Variants in SIK2 observed in about 807,000 individuals in gnomAD.
SIK2 encodes the protein serine/threonine-protein kinase SIK2.
In SIK2, 29 loss-of-function variants were observed where a neutral mutation model predicts 103.2. The ratio of observed to expected loss-of-function variants is 0.28; its 90% CI spans 0.21 to 0.38. The LOEUF is 0.38. Among genes scored for constraint, SIK2 ranks in the 10% least tolerant of loss-of-function variants. SIK2 has a pLI of 1.00. For synonymous variants in SIK2, 412 were observed against 446.1 expected, an observed-to-expected ratio of 0.92 and a Z score of 0.96; for missense variants, 879 against 1,171.0, an observed-to-expected ratio of 0.75 and a Z score of 3.64.
intron 3 of SIK2, among the ~76,000 whole-genome samples, chr11:111,622,486 C>G (rs1017013488): frequency 4.6e-5 from 7 of 151,902 alleles, no homozygotes; most frequent in African/African-American, 1.4e-4. Flanking sequence ...GATCACCTGA[C>G]ATCGTGATCC....
intron 2 of SIK2, among the ~76,000 whole-genome samples, chr11:111,618,345 G>T (rs1941836044): frequency 6.6e-6 from 1 of 152,156 alleles, no homozygotes; most frequent in African/African-American, 2.4e-5. Context: ...TGACCCGGCG[G>T]TTAGGAACCC....
chr11:111,679,852 C>T (rs962136820), intron 3 of SIK2, among the ~76,000 whole-genome samples: 4 of 151,806 alleles, frequency 2.6e-5, no homozygotes, highest in African/African-American at 9.7e-5. Flanking sequence ...TGGCTGGGCA[C>T]GGTGGCTCAC....
chr11:111,704,931 G>A, intron 7 of SIK2, 56 bp from the exon 8 acceptor site: 1 of 1,521,284 alleles, frequency 6.6e-7, no homozygotes, highest in South Asian at 1.3e-5. Context: ...GGCATGTGTA[G>A]ATCATTGCAT....
In SIK2 at chr11:111,722,523, A is replaced by G. The variant is rs1943832743; in HGVS notation, c.2056-142A>G. The G allele has an allele frequency of 2.6e-6, 2 of 762,758 alleles. No individual in the cohort carries two copies. Among genetic ancestry groups the G allele is most frequent in the African/African-American group, 1.8e-5 (1 of 56,840 alleles). The allele number at this position is 762,758 out of a possible 1,614,324, so 47.2% of individuals were successfully genotyped here. ...GGGCCCGATGCTCTTTCAGGGTCTCAGGGAGTAAATGTCAGTCCCTTCACC... is the reference window on the plus strand; with the variant it reads ...GGGCCCGATGCTCTTTCAGGGTCTCGGGGAGTAAATGTCAGTCCCTTCACC... On this transcript the variant is annotated intron_variant, in intron 13 of 14. Coordinates refer to ENST00000304987, the MANE Select transcript of SIK2 (RefSeq NM_015191.3). This position sits in a 1 kb window ranked among gnomAD's most constrained non-coding sequence, Gnocchi z 4.4.
chr11:111,605,996 C>CTAATTTTATAAAATTAGCA (rs1236960901), intron 1 of SIK2, among the ~76,000 whole-genome samples: 1 of 152,076 alleles, frequency 6.6e-6, no homozygotes, highest in African/African-American at 2.4e-5. Context: ...ATTAGAGATG[C>CTAATTTTATAAAATTAGCA]TAATTTTATA....
intron 8 of SIK2, among the ~76,000 whole-genome samples, chr11:111,708,207 T>G (rs1943402524): frequency 6.6e-6 from 1 of 151,922 alleles, no homozygotes; most frequent in African/African-American, 2.4e-5. Context: ...CATGGTGAAA[T>G]GCCATCTCTA....
At chr11:111,672,268 G>A in intron 3 of SIK2, 1 of 378,560 alleles carries the variant, frequency 2.6e-6, no homozygotes, top group Non-Finnish European at 4.9e-6. Context: ...CACCCAGGAA[G>A]CTGCTGCTGT....
At chr11:111,721,597 A>G (rs543260841) in intron 12 of SIK2, among the ~76,000 whole-genome samples, 6 of 152,212 alleles carry the variant, frequency 3.9e-5, no homozygotes, top group Non-Finnish European at 8.8e-5. Flanking sequence ...TGGTGACACC[A>G]AGAGTCTTTG....
chr11:111,606,380 A>G (rs1423483197), intron 1 of SIK2, among the ~76,000 whole-genome samples: 2 of 152,118 alleles, frequency 1.3e-5, no homozygotes, highest in Non-Finnish European at 2.9e-5. Flanking sequence ...GGAATAACCC[A>G]TTCTTAACAT....
intron 3 of SIK2, among the ~76,000 whole-genome samples, chr11:111,640,678 G>A (rs564128060): frequency 4.4e-4 from 65 of 147,502 alleles, no homozygotes; most frequent in Non-Finnish European, 5.1e-4. Context: ...AGTGCTACGG[G>A]AAACTATGAG....
At chr11:111,677,730 A>T (rs982590573) in intron 3 of SIK2, among the ~76,000 whole-genome samples, 2 of 151,768 alleles carry the variant, frequency 1.3e-5, no homozygotes, top group Non-Finnish European at 2.9e-5. Context: ...CGCCCAGCCT[A>T]AAGTTTTTAT....
At chr11:111,671,698 T>C (rs200493750) in intron 3 of SIK2, 1 of 394,160 alleles carries the variant, frequency 2.5e-6, no homozygotes, top group East Asian at 6.5e-5. Flanking sequence ...CTGGATCTCC[T>C]TCATACAGCT....
rs577152704 is a variant in SIK2 at position 111,709,237 on chromosome 11, C to T, written c.1102-2974C>T. Reference sequence around the variant, plus strand: ...TGCGCAAGTGTGGAGAGAAAGATCTCTGGTGTCTCTCCCTCCTCTTATAAG... The same window carrying T: ...TGCGCAAGTGTGGAGAGAAAGATCTTTGGTGTCTCTCCCTCCTCTTATAAG... On this transcript the variant is annotated intron_variant, in intron 8 of 14. Coordinates refer to ENST00000304987, the MANE Select transcript of SIK2 (RefSeq NM_015191.3). Among the ~76,000 whole-genome samples the T allele has an allele frequency of 3.1e-3, 478 of 152,282 alleles. 3 individuals carry two copies. Among genetic ancestry groups the T allele is most frequent in the Non-Finnish European group, 4.3e-3 (295 of 68,010 alleles).
intron 3 of SIK2, among the ~76,000 whole-genome samples, chr11:111,667,420 A>T (rs1942559845): frequency 6.6e-6 from 1 of 152,072 alleles, no homozygotes; most frequent in East Asian, 1.9e-4. Flanking sequence ...ATGGATAACA[A>T]TAATAGGGAT....
At position 111,724,236 on chromosome 11, in the gene SIK2, G is replaced by A. The variant is rs1943898721; in HGVS notation, c.*107G>A. On this transcript the variant is annotated 3_prime_UTR_variant, in exon 15 of 15. Transcript: ENST00000304987. ...TTATTTTCTTGCCCTCTCCCTAACG[G>A]GGAGAAATCGAGCCACCCAACTGGA... is the stretch of plus-strand genomic sequence containing the variant. 1.4e-6 allele frequency: 2 copies of A among 1,435,124 alleles called. No individual in the cohort carries two copies. Among genetic ancestry groups the A allele is most frequent in the Non-Finnish European group, 1.8e-6 (2 of 1,086,390 alleles). 88.9% of individuals were successfully genotyped at this position (1,435,124 alleles called of 1,614,324 possible). A position where few individuals can be genotyped will look rare whatever the true frequency, so the allele number is the denominator to read the frequency against.
chr11:111,645,523 T>C (rs1472442636), intron 3 of SIK2, among the ~76,000 whole-genome samples: 1 of 152,060 alleles, frequency 6.6e-6, no homozygotes, highest in Non-Finnish European at 1.5e-5. Context: ...AAATTACTTT[T>C]AAAAAACAAA....
chr11:111,702,828 C>T (rs971613960), intron 6 of SIK2, among the ~76,000 whole-genome samples: 2 of 152,084 alleles, frequency 1.3e-5, no homozygotes, highest in African/African-American at 4.8e-5. Flanking sequence ...GCTTACGTAG[C>T]CTTAGTATAT....
Position 111,720,909 on chromosome 11 carries a change from A to G in SIK2, c.1791A>G (p.Ala597=). The G allele has an allele frequency of 6.2e-7, 1 of 1,613,840 alleles. No individual in the cohort carries two copies. The highest frequency in any genetic ancestry group is 8.5e-7 in the Non-Finnish European group (1 of 1,179,918). The change falls in exon 12 of 15, where the codon GCA becomes GCG. Residue 597 remains alanine (A), a synonymous_variant. Transcript: ENST00000304987. ...GGTGCTTTCTTTCAGGAATTGTAGC[A>G]TTTAGACAACATCTTCAGAATCTGG... ...SDTSLTQGIV[A]FRQHLQNLAR...
intron 3 of SIK2, among the ~76,000 whole-genome samples, chr11:111,675,482 C>T (rs981497450): frequency 2.6e-5 from 4 of 152,228 alleles, no homozygotes; most frequent in Non-Finnish European, 4.4e-5. Flanking sequence ...GTTTTTGCAG[C>T]TGGCCCTTCC....
Sources: gnomAD v4.1 joint callset for allele counts (sites outside exome capture counted in the v4.1 genomes callset) on GRCh38, gnomAD v4.1.1 for gene constraint, Gnocchi (gnomAD v3.1) non-coding constraint, MANE v1.5 for transcripts, NCBI Gene and HGNC (gene_info 2026-07-23, HGNC 2026-07-21) for gene names.